Variants in DOK6 observed in about 807,000 individuals in gnomAD.
The protein encoded by DOK6 is downstream of tyrosine kinase 6.
In DOK6, 22 loss-of-function variants were observed where a neutral mutation model predicts 44.0. The observed-to-expected ratio is 0.50, with a 90% CI of 0.36 to 0.71. The LOEUF (loss-of-function observed/expected upper bound fraction) is 0.71, where lower values mean the gene tolerates loss of function less well. Ranked by LOEUF, DOK6 falls within the 30% of genes least tolerant of loss-of-function variation. The probability of loss-of-function intolerance (pLI) is 0.00; values close to 1 mark genes in which losing one functional copy is unlikely to be tolerated. For missense variants in DOK6, 340 were observed against 416.4 expected (o/e 0.82, Z 1.60); for synonymous variants, 166 against 145.5 (o/e 1.14, Z -1.01).
chr18:69,567,162 C>T (rs1983002736), intron 2 of DOK6, among the ~76,000 whole-genome samples: 1 of 152,176 alleles, frequency 6.6e-6, no homozygotes, highest in South Asian at 2.1e-4. Flanking sequence ...AACTCATTAA[C>T]ATCATCAGAC....
chr18:69,543,244 G>T (rs1443937530), intron 1 of DOK6, among the ~76,000 whole-genome samples: 1 of 151,556 alleles, frequency 6.6e-6, no homozygotes, highest in Non-Finnish European at 1.5e-5. Flanking sequence ...AATTTTCAGT[G>T]TGCCAGAATA....
At chr18:69,539,184 G>A (rs1192808881) in intron 1 of DOK6, among the ~76,000 whole-genome samples, 1 of 152,102 alleles carries the variant, frequency 6.6e-6, no homozygotes, top group Non-Finnish European at 1.5e-5. Context: ...TTCATTGGTT[G>A]TCAATATAAA....
At chr18:69,778,092 G>A (rs1599320852) in intron 7 of DOK6, 2 of 152,192 alleles carry the variant, frequency 1.3e-5, no homozygotes, top group South Asian at 2.1e-4. Flanking sequence ...GACTATAGTA[G>A]CTTCAGAAAA....
chr18:69,665,952 T>A (rs929741089), intron 3 of DOK6, among the ~76,000 whole-genome samples: 20 of 152,300 alleles, frequency 1.3e-4, no homozygotes, highest in African/African-American at 4.8e-4. Flanking sequence ...ATATTGGGCT[T>A]CACCTTTGAG....
intron 4 of DOK6, among the ~76,000 whole-genome samples, chr18:69,694,935 C>T (rs1443900350): frequency 1.3e-5 from 2 of 152,148 alleles, no homozygotes; most frequent in African/African-American, 2.4e-5. Context: ...TTCTATGCTC[C>T]TGTCTCTTGT....
chr18:69,791,789 T>C (rs116638462), intron 7 of DOK6, among the ~76,000 whole-genome samples: 1,834 of 152,198 alleles, frequency 0.012, 36 homozygotes, highest in African/African-American at 0.041. Flanking sequence ...GCTTGGGTTG[T>C]CTGTGTTTGT....
At chr18:69,716,096 C>G (rs1427366546) in intron 5 of DOK6, among the ~76,000 whole-genome samples, 1 of 152,156 alleles carries the variant, frequency 6.6e-6, no homozygotes, top group Non-Finnish European at 1.5e-5. Context: ...CTATTCAAAT[C>G]AAGTCATTGA....
rs374923647 is a variant in DOK6, at chr18:69,656,760, A to G, written c.290-20974A>G. On this transcript the variant is annotated intron_variant, in intron 3 of 7. Coordinates refer to ENST00000382713, the MANE Select transcript of DOK6 (RefSeq NM_152721.6). Reference sequence around the variant, plus strand: ...AGATCATTGTATTTTTTTCTTATACATGAAAAAGGGAGAAAATAAAGACAA... The same window carrying G: ...AGATCATTGTATTTTTTTCTTATACGTGAAAAAGGGAGAAAATAAAGACAA... Among the ~76,000 whole-genome samples the G allele has an allele frequency of 2.7e-3, 410 of 152,330 alleles. 1 individual carries two copies. The highest frequency in any genetic ancestry group is 0.02 in the Middle Eastern group (6 of 294).
At chr18:69,805,098 C>A (rs942372522) in intron 7 of DOK6, among the ~76,000 whole-genome samples, 1 of 152,104 alleles carries the variant, frequency 6.6e-6, no homozygotes, top group African/African-American at 2.4e-5. Flanking sequence ...AGGAGAGATT[C>A]GAAACCCACT....
At chr18:69,499,993 T>C (rs1473440753) in intron 1 of DOK6, among the ~76,000 whole-genome samples, 5 of 152,200 alleles carry the variant, frequency 3.3e-5, no homozygotes, top group African/African-American at 9.7e-5. Context: ...GTGGTATATG[T>C]AGAATATGTA....
intron 3 of DOK6, among the ~76,000 whole-genome samples, chr18:69,602,538 T>C (rs549348369): frequency 6.6e-6 from 1 of 152,292 alleles, no homozygotes; most frequent in East Asian, 1.9e-4. Flanking sequence ...GGACAATAAG[T>C]AAACACTAAG....
chr18:69,524,163 A>G (rs1981764885), intron 1 of DOK6, among the ~76,000 whole-genome samples: 1 of 152,020 alleles, frequency 6.6e-6, no homozygotes, highest in Non-Finnish European at 1.5e-5. Flanking sequence ...TTTGAGAAAC[A>G]TGTTAATTGT....
chr18:69,537,511 A>G (rs1253551137), intron 1 of DOK6, among the ~76,000 whole-genome samples: 2 of 152,184 alleles, frequency 1.3e-5, no homozygotes, highest in Admixed American at 1.3e-4. Flanking sequence ...AGTGGAAAAC[A>G]TTGTTTCATG....
chr18:69,803,273 T>C (rs1980956119), intron 7 of DOK6, among the ~76,000 whole-genome samples: 1 of 152,318 alleles, frequency 6.6e-6, no homozygotes, highest in South Asian at 2.1e-4. Flanking sequence ...TGAAATGCTC[T>C]TTTGTTAATA....
At chr18:69,794,618 T>C (rs919861912) in intron 7 of DOK6, among the ~76,000 whole-genome samples, 2 of 152,140 alleles carry the variant, frequency 1.3e-5, no homozygotes, top group Non-Finnish European at 2.9e-5. Flanking sequence ...CCAGATAGGA[T>C]GCAAAGCAGG....
At chr18:69,812,044 C>G (rs1269613571) in intron 7 of DOK6, among the ~76,000 whole-genome samples, 1 of 140,378 alleles carries the variant, frequency 7.1e-6, no homozygotes, top group Non-Finnish European at 1.6e-5. Flanking sequence ...CAAATACATA[C>G]ATACTCGAAT....
At chr18:69,529,107 G>C (rs1870408867) in intron 1 of DOK6, among the ~76,000 whole-genome samples, 1 of 152,148 alleles carries the variant, frequency 6.6e-6, no homozygotes, top group Admixed American at 6.5e-5. Context: ...GCACACGACT[G>C]TCCTCCTCAC....
At chr18:69,794,271 A>T (rs1025167339) in intron 7 of DOK6, among the ~76,000 whole-genome samples, 4 of 152,178 alleles carry the variant, frequency 2.6e-5, no homozygotes, top group Admixed American at 2.6e-4. Flanking sequence ...CCTTTTAGCT[A>T]GCTTTCTACA....
intron 3 of DOK6, chr18:69,661,623 C>T (rs1985530226): frequency 6.6e-6 from 1 of 152,182 alleles, no homozygotes; most frequent in Admixed American, 6.5e-5. Flanking sequence ...GGGATAGCAG[C>T]TCTAAATGTT....
Sources: allele counts gnomAD v4.1 joint callset (sites outside exome capture counted in the v4.1 genomes callset), GRCh38; gene constraint gnomAD v4.1.1; transcripts MANE v1.5; gene names NCBI Gene and HGNC (gene_info 2026-07-23, HGNC 2026-07-21).